The following NSUN2 variants were observed in gnomAD, a reference collection of about 807,000 sequenced individuals.
The protein encoded by NSUN2 is RNA cytosine C(5)-methyltransferase NSUN2.
Under a neutral mutation model 92.7 loss-of-function variants are expected in NSUN2, and 63 were observed. The ratio of observed to expected loss-of-function variants is 0.68; its 90% CI spans 0.56 to 0.84. The LOEUF (loss-of-function observed/expected upper bound fraction) is 0.84. NSUN2 is among the 40% of genes least tolerant of loss of function. The pLI is 0.00. For missense variants in NSUN2, 989 were observed against 964.9 expected, an observed-to-expected ratio of 1.02 and a Z score of -0.33; for synonymous variants, 356 against 348.3, an observed-to-expected ratio of 1.02 and a Z score of -0.25.
chr5:6,632,134 A>G (rs1382954531), intron 2 of NSUN2, among the ~76,000 whole-genome samples, 157 bp from the exon 3 acceptor site: 1 of 152,222 alleles, frequency 6.6e-6, no homozygotes, highest in East Asian at 1.9e-4. Flanking sequence ...GTATGCCTTC[A>G]AAATTTAAGC....
At position 6,611,448 on chromosome 5, in the gene NSUN2, T is replaced by TAAAAAAAAAAAAAAAAAAAAAAA. The variant is rs760872450; in HGVS notation, c.1095+276_1095+277insTTTTTTTTTTTTTTTTTTTTTTT. ...ACAAGGCTTGAATCCCGGCCCAATT[T>TAAAAAAAAAAAAAAAAAAAAAAA]AAAAAAAAAAAAAAAAAGCAAAGCT... On this transcript the variant is annotated intron_variant, in intron 10 of 18. Transcript: ENST00000264670. 1.8e-3 allele frequency among the ~76,000 whole-genome samples: 159 copies of TAAAAAAAAAAAAAAAAAAAAAAA among 86,028 alleles called. 19 individuals carry two copies. Among genetic ancestry groups the TAAAAAAAAAAAAAAAAAAAAAAA allele is most frequent in the East Asian group, 2.7e-3 (8 of 2,962 alleles). The allele number at this position is 86,028 out of a possible 152,430, so 56.4% of individuals were successfully genotyped here.
intron 12 of NSUN2, among the ~76,000 whole-genome samples, chr5:6,608,803 A>C (rs1223253619): frequency 6.6e-6 from 1 of 152,266 alleles, no homozygotes; most frequent in Non-Finnish European, 1.5e-5. Context: ...TGACAAGCGC[A>C]AAGTCTAAAA....
intron 10 of NSUN2, 80 bp downstream of exon 10, chr5:6,611,645 C>T (rs186910334): frequency 8.7e-5 from 102 of 1,166,020 alleles, no homozygotes; most frequent in East Asian, 2.4e-4. Flanking sequence ...GTTACTCACA[C>T]GTGAATGCTT....
At chr5:6,618,946 T>C (rs1211291357) in intron 7 of NSUN2, among the ~76,000 whole-genome samples, 1 of 152,176 alleles carries the variant, frequency 6.6e-6, no homozygotes, top group Non-Finnish European at 1.5e-5. Flanking sequence ...TGAGATGTAA[T>C]CCCCACTTTG....
intron 3 of NSUN2, among the ~76,000 whole-genome samples, chr5:6,627,100 C>T (rs1255870360): frequency 5.3e-5 from 8 of 152,162 alleles, no homozygotes; most frequent in East Asian, 1.9e-4. Flanking sequence ...AGGTCCCCAG[C>T]GCTTTGATTC....
Position 6,629,721 on chromosome 5 carries a change from G to A in NSUN2, c.359+2152C>T, listed in dbSNP as rs78616792. Among the ~76,000 whole-genome samples, 1,330 of 152,230 alleles carry A rather than the reference G, an allele frequency of 8.7e-3. 18 individuals are homozygous for A. The highest frequency in any genetic ancestry group is 0.029 in the African/African-American group (1,222 of 41,520). On this transcript the variant is annotated intron_variant, in intron 3 of 18. Transcript: ENST00000264670. ...CACCTTGAATTGTAATATTCCCCAC[G>A]TGTCAAGGGCAGGACGAGGTGGAGA...
At chr5:6,601,638 C>T (rs960601421) in intron 18 of NSUN2, among the ~76,000 whole-genome samples, 3 of 152,108 alleles carry the variant, frequency 2.0e-5, no homozygotes, top group African/African-American at 7.2e-5. Flanking sequence ...CCCGCCCCGA[C>T]CCCCAGCTTG....
In NSUN2 at chr5:6,630,963, G is replaced by A. The variant is rs375466293; in HGVS notation, c.359+910C>T. Among the ~76,000 whole-genome samples the A allele has an allele frequency of 4.6e-5, 7 of 152,118 alleles. No individual in the cohort carries two copies. The East Asian group carries it at 7.7e-4, about 17-fold the overall frequency. On this transcript the variant is annotated intron_variant, in intron 3 of 18. Transcript: ENST00000264670. ...AAAAAAATTGGCCGGGCGTGGTGGC[G>A]GGCACCTGTAGTCCCAGCTACTCGG...
rs1371377572 is a variant in NSUN2, at chr5:6,599,462, C to T, written c.*464G>A. Reference sequence around the variant, plus strand: ...TATTAACCCCACTGCATGTTAATGACACACCACTGAGGTGCAGCTCAATGT... The same window carrying T: ...TATTAACCCCACTGCATGTTAATGATACACCACTGAGGTGCAGCTCAATGT... On this transcript the variant is annotated 3_prime_UTR_variant, in exon 19 of 19. Coordinates refer to ENST00000264670, the MANE Select transcript of NSUN2 (RefSeq NM_017755.6). The T allele has an allele frequency of 6.5e-6, 1 of 153,980 alleles. No individual in the cohort carries two copies. The highest frequency in any genetic ancestry group is 2.4e-5 in the African/African-American group (1 of 41,448). 9.5% of individuals were successfully genotyped at this position (153,980 alleles called of 1,614,324 possible).
intron 6 of NSUN2, chr5:6,621,039 A>G (rs947053101): frequency 6.6e-6 from 1 of 152,210 alleles, no homozygotes; most frequent in African/African-American, 2.4e-5. Context: ...GATTTCAAAA[A>G]ACAGACCTAA....
rs750428445 is a variant in NSUN2 at position 6,609,848 on chromosome 5, G to A, written c.1301C>T (p.Pro434Leu). The A allele has an allele frequency of 7.4e-6, 12 of 1,613,502 alleles. No homozygotes were observed. Among genetic ancestry groups the A allele is most frequent in the South Asian group, 3.3e-5 (3 of 90,954 alleles). Residue 434 changes from proline to leucine, a missense_variant, in exon 12 of 19, where the codon CCG becomes CTG. Pro to Leu is a moderately conservative substitution (Grantham distance 98, BLOSUM62 -3). Around this residue, in one of 3 missense-constraint regions of NSUN2, gnomAD observed 626 missense variants for 602.3 expected, o/e 1.04. Coordinates refer to ENST00000264670, the MANE Select transcript of NSUN2 (RefSeq NM_017755.6). ...CACCTTTGGCTGACGTTTATTCCAC[G>A]GCATTGAAGATTTTTTCACCAATAC... ...VAVLVKKSSM[P>L]WNKRQPKLQG... is the part of the protein sequence containing the mutation.
intron 4 of NSUN2, among the ~76,000 whole-genome samples, chr5:6,624,355 T>C (rs918398018): frequency 6.6e-6 from 1 of 152,170 alleles, no homozygotes; most frequent in Non-Finnish European, 1.5e-5. Context: ...CCAGAGGTTA[T>C]TGCCATTCAT....
Sources: gnomAD v4.1 joint callset for allele counts (sites outside exome capture counted in the v4.1 genomes callset) on GRCh38, gnomAD v4.1.1 for gene constraint, gnomAD v4.1.1 regional missense constraint, MANE v1.5 for transcripts, NCBI Gene and HGNC (gene_info 2026-07-23, HGNC 2026-07-21) for gene names.